Variants in PCDHA4 observed in about 807,000 individuals in gnomAD.
The protein encoded by PCDHA4 is protocadherin alpha-4.
In PCDHA4, 49 loss-of-function variants were observed where a neutral mutation model predicts 61.4. The ratio of observed to expected loss-of-function variants is 0.80; its 90% CI spans 0.63 to 1.01. PCDHA4 has a LOEUF of 1.01. Ranked by LOEUF, PCDHA4 falls within the 50% of genes least tolerant of loss-of-function variation. The pLI is 0.00. For missense variants in PCDHA4, 1,254 were observed against 1,235.8 expected, an observed-to-expected ratio of 1.01 and a Z score of -0.22; for synonymous variants, 590 against 550.3, an observed-to-expected ratio of 1.07 and a Z score of -1.01.
intron 3 of PCDHA4, among the ~76,000 whole-genome samples, chr5:140,988,281 A>G (rs2097291171): frequency 2.0e-5 from 3 of 152,202 alleles, no homozygotes; most frequent in Admixed American, 2.0e-4. Context: ...GTCACCTGCC[A>G]TCTGACAGCC....
intron 1 of PCDHA4, among the ~76,000 whole-genome samples, chr5:140,873,915 C>A (rs543062290): frequency 6.6e-6 from 1 of 152,284 alleles, no homozygotes; most frequent in Non-Finnish European, 1.5e-5. Flanking sequence ...CCTGCCTCAG[C>A]CTCCCAAAGT....
At chr5:140,896,710 T>C (rs1231459059) in intron 1 of PCDHA4, among the ~76,000 whole-genome samples, 2 of 152,160 alleles carry the variant, frequency 1.3e-5, no homozygotes, top group Non-Finnish European at 2.9e-5. Flanking sequence ...TGTTTGTTTT[T>C]TGCTTGTTAA....
At chr5:140,823,741 C>T (rs2150128632) in intron 1 of PCDHA4, 61 of 1,613,720 alleles carry the variant, frequency 3.8e-5, no homozygotes, top group Middle Eastern at 1.6e-4. Flanking sequence ...CCATGGAGAG[C>T]CCCCGCTGAC....
chr5:140,875,422 AG>A (rs1554167622), intron 1 of PCDHA4: 1 of 1,524,010 alleles, frequency 6.6e-7, no homozygotes, highest in Non-Finnish European at 8.8e-7. Context: ...ACCTCAGGCA[AG>A]CGATCCCTTA....
intron 1 of PCDHA4, chr5:140,881,430 T>G: frequency 1.1e-6 from 1 of 889,582 alleles, no homozygotes; most frequent in Non-Finnish European, 1.3e-6. Flanking sequence ...TCCAGGCATA[T>G]TTTATAAAAA....
intron 1 of PCDHA4, chr5:140,869,752 G>C (rs1398153775): frequency 1.4e-5 from 22 of 1,613,136 alleles, no homozygotes; most frequent in Middle Eastern, 1.6e-4. Context: ...AGCTACAGAC[G>C]GGGGAAAACC....
intron 1 of PCDHA4, chr5:140,928,237 C>T: frequency 6.2e-7 from 1 of 1,614,228 alleles, no homozygotes; most frequent in Non-Finnish European, 8.5e-7. Context: ...TCCTCAACCC[C>T]AGCAGGAACT....
chr5:140,856,448 G>T (rs782383115), intron 1 of PCDHA4: 3 of 1,598,274 alleles, frequency 1.9e-6, no homozygotes, highest in South Asian at 2.2e-5. Context: ...CAGGTTCTCC[G>T]TAACAGAACA....
intron 1 of PCDHA4, among the ~76,000 whole-genome samples, chr5:140,891,754 T>C (rs1221942340): frequency 6.6e-6 from 1 of 152,174 alleles, no homozygotes; most frequent in Non-Finnish European, 1.5e-5. Flanking sequence ...ACAACAGTGT[T>C]GGGAGGTGGG....
intron 1 of PCDHA4, chr5:140,856,703 C>A (rs1413055800): frequency 1.9e-6 from 3 of 1,596,568 alleles, no homozygotes; most frequent in Admixed American, 1.7e-5. Context: ...TGGAGGCAAA[C>A]CTGAATTTAC....
intron 3 of PCDHA4, among the ~76,000 whole-genome samples, chr5:140,993,956 C>T (rs2097588909): frequency 6.6e-6 from 1 of 152,140 alleles, no homozygotes; most frequent in Admixed American, 6.5e-5. Flanking sequence ...TGATACATGA[C>T]TGTAGTCATC....
intron 1 of PCDHA4, among the ~76,000 whole-genome samples, chr5:140,951,752 G>A (rs246039): frequency 0.51 from 77,303 of 151,800 alleles, 20,616 homozygotes; most frequent in African/African-American, 0.68. Context: ...CTCACCCTCC[G>A]CGAAATCTCA....
chr5:140,922,176 C>CA (rs3836750), intron 1 of PCDHA4, among the ~76,000 whole-genome samples: 11 of 150,702 alleles, frequency 7.3e-5, no homozygotes, highest in East Asian at 5.8e-4. Flanking sequence ...GTACAGCAGA[C>CA]AAAAAAAAAG....
At chr5:140,924,227 TA>T (rs2153571643) in intron 1 of PCDHA4, among the ~76,000 whole-genome samples, 1 of 152,354 alleles carries the variant, frequency 6.6e-6, no homozygotes, top group East Asian at 1.9e-4. Flanking sequence ...GTTCAATTTT[TA>T]TGGGCTGTTT....
intron 1 of PCDHA4, chr5:140,967,023 G>C: frequency 6.2e-7 from 1 of 1,608,162 alleles, no homozygotes; most frequent in Non-Finnish European, 8.5e-7. Context: ...GGTGCGCCCA[G>C]TCCGCGCTAC....
intron 1 of PCDHA4, among the ~76,000 whole-genome samples, chr5:140,970,569 C>T (rs1346474165): frequency 3.9e-5 from 6 of 152,038 alleles, no homozygotes; most frequent in African/African-American, 1.4e-4. Flanking sequence ...CATATGTATG[C>T]TTGAAATAAC....
chr5:141,001,020 TATA>T (rs539315208), intron 3 of PCDHA4, among the ~76,000 whole-genome samples: 5 of 152,250 alleles, frequency 3.3e-5, no homozygotes, highest in Non-Finnish European at 5.9e-5. Context: ...GATATACACT[TATA>T]ATAATAGCTT....
intron 1 of PCDHA4, chr5:140,852,686 T>G: frequency 1.0e-6 from 1 of 969,714 alleles, no homozygotes; most frequent in Non-Finnish European, 1.2e-6. Context: ...TTGAATATAG[T>G]CTTATACTTT....
intron 1 of PCDHA4, chr5:140,850,690 G>A: frequency 6.3e-7 from 1 of 1,598,402 alleles, no homozygotes; most frequent in Non-Finnish European, 8.6e-7. Context: ...GAGGGCGAGT[G>A]CGCGCCTGGC....
Sources: allele counts gnomAD v4.1 joint callset (sites outside exome capture counted in the v4.1 genomes callset), GRCh38; gene constraint gnomAD v4.1.1; transcripts MANE v1.5; gene names NCBI Gene and HGNC (gene_info 2026-07-23, HGNC 2026-07-21).